Variants in KIAA0319 observed in about 807,000 individuals in gnomAD.
The protein encoded by KIAA0319 is dyslexia-associated protein KIAA0319.
KIAA0319 carries 83 observed loss-of-function variants against 108.4 expected under a neutral mutation model. That is an observed-to-expected ratio of 0.77 (90% confidence interval 0.64 to 0.92). The LOEUF (loss-of-function observed/expected upper bound fraction) is 0.92, where lower values mean the gene tolerates loss of function less well. KIAA0319 is among the 40% of genes least tolerant of loss of function. The pLI is 0.00. For synonymous variants in KIAA0319, 484 were observed against 510.4 expected, an observed-to-expected ratio of 0.95 and a Z score of 0.70; for missense variants, 1,195 against 1,322.4, an observed-to-expected ratio of 0.90 and a Z score of 1.49.
intron 1 of KIAA0319, among the ~76,000 whole-genome samples, chr6:24,614,835 G>A (rs7763790): frequency 0.23 from 34,445 of 151,840 alleles, 4,281 homozygotes; most frequent in African/African-American, 0.33. Flanking sequence ...CCAGCCCCTC[G>A]CTGTCATTAT....
intron 1 of KIAA0319, among the ~76,000 whole-genome samples, chr6:24,642,186 A>AG (rs1562127470): frequency 7.3e-6 from 1 of 137,732 alleles, no homozygotes; most frequent in African/African-American, 2.8e-5. Flanking sequence ...GAAAGAAAGA[A>AG]AGAGAGAAAG....
chr6:24,592,999 TAAA>T, intron 3 of KIAA0319, among the ~76,000 whole-genome samples: 1 of 151,164 alleles, frequency 6.6e-6, no homozygotes, highest in East Asian at 1.9e-4. Flanking sequence ...TAAAAATAAA[TAAA>T]AAAAAACATT....
chr6:24,564,404 T>G, intron 14 of KIAA0319, 64 bp from the exon 15 acceptor site: 1 of 1,604,314 alleles, frequency 6.2e-7, no homozygotes, highest in Non-Finnish European at 8.5e-7. Flanking sequence ...TGGGCTTCTG[T>G]TGATCCTAAA....
chr6:24,600,182 T>C (rs577548277), intron 2 of KIAA0319, among the ~76,000 whole-genome samples: 46 of 152,230 alleles, frequency 3.0e-4, no homozygotes, highest in Admixed American at 2.0e-3. Context: ...GGAAAAAATA[T>C]GGGTCTCTAA....
chr6:24,618,683 A>C (rs1212791782), intron 1 of KIAA0319, among the ~76,000 whole-genome samples: 1 of 152,084 alleles, frequency 6.6e-6, no homozygotes, highest in Non-Finnish European at 1.5e-5. Flanking sequence ...ACACAAAGAA[A>C]AGCAACAGAA....
At chr6:24,555,843 T>C (rs1762215588) in intron 18 of KIAA0319, among the ~76,000 whole-genome samples, 1 of 152,306 alleles carries the variant, frequency 6.6e-6, no homozygotes, top group East Asian at 1.9e-4. Context: ...CAGGGGCCAC[T>C]TCACCAGAAA....
rs1760587360 is a variant in KIAA0319 at position 24,546,075 on chromosome 6, T to C, written c.*1090A>G. The C allele has an allele frequency of 6.6e-6, 1 of 152,200 alleles. No homozygotes were observed. The highest frequency in any genetic ancestry group is 2.1e-4 in the South Asian group (1 of 4,828). 9.4% of individuals were successfully genotyped at this position (152,200 alleles called of 1,614,324 possible). ...GGGAGTACTGCTTTGTGGGTGGGAA[T>C]GTTTTAATTGTCTTTCATGTTTGAA... On this transcript the variant is annotated 3_prime_UTR_variant, in exon 21 of 21. Transcript: ENST00000378214.
chr6:24,623,238 C>T (rs1037412171), intron 1 of KIAA0319, among the ~76,000 whole-genome samples: 8 of 152,016 alleles, frequency 5.3e-5, no homozygotes, highest in African/African-American at 1.9e-4. Flanking sequence ...CACACACATA[C>T]ACGCACACAC....
At chr6:24,612,752 T>C (rs1422698090) in intron 1 of KIAA0319, among the ~76,000 whole-genome samples, 3 of 152,170 alleles carry the variant, frequency 2.0e-5, no homozygotes, top group African/African-American at 7.2e-5. Flanking sequence ...ACAAAAAATT[T>C]TTAACATCTG....
chr6:24,599,228 G>T lies in KIAA0319; in HGVS notation c.55+1821C>A. ...TCAAGTATGAGGAGCTGCAGGCACT[G>T]GCTGGGAAGCACAGGGATGACCTGT... On this transcript the variant is annotated intron_variant, in intron 2 of 20. Coordinates refer to ENST00000378214, the MANE Select transcript of KIAA0319 (RefSeq NM_014809.4). The surrounding 1 kb of genome is among the most constrained non-coding windows in gnomAD (Gnocchi z 4.1). 2.0e-6 allele frequency: 1 copy of T among 510,358 alleles called. No individual in the cohort carries two copies. The highest frequency in any genetic ancestry group is 2.0e-5 in the South Asian group (1 of 49,006). 31.6% of individuals were successfully genotyped at this position (510,358 alleles called of 1,614,324 possible). A position where few individuals can be genotyped will look rare whatever the true frequency, so the allele number is the denominator to read the frequency against.
intron 13 of KIAA0319, among the ~76,000 whole-genome samples, chr6:24,567,524 C>T (rs1034626416): frequency 8.6e-5 from 13 of 151,910 alleles, no homozygotes; most frequent in African/African-American, 3.1e-4. Flanking sequence ...TAGCAAGACC[C>T]GTCTCCACAC....
chr6:24,553,030 A>T (rs139168572), intron 19 of KIAA0319, among the ~76,000 whole-genome samples: 1 of 152,140 alleles, frequency 6.6e-6, no homozygotes, highest in Non-Finnish European at 1.5e-5. Context: ...AGATTTGGCC[A>T]GTGAGGTAGC....
intron 1 of KIAA0319, among the ~76,000 whole-genome samples, chr6:24,609,590 A>G (rs181069694): frequency 6.6e-6 from 1 of 152,158 alleles, no homozygotes; most frequent in African/African-American, 2.4e-5. Flanking sequence ...ACCAACAAAC[A>G]AACAAACAAA....
intron 1 of KIAA0319, among the ~76,000 whole-genome samples, chr6:24,616,451 G>A (rs567681387): frequency 1.3e-5 from 2 of 152,228 alleles, no homozygotes; most frequent in Admixed American, 6.5e-5. Context: ...TCCGCCTCCC[G>A]GGTTCAAGCG....
rs546870848 is a variant in KIAA0319, at chr6:24,610,701, G to T, written c.-105-9493C>A. On this transcript the variant is annotated intron_variant, in intron 1 of 20. Coordinates refer to ENST00000378214, the MANE Select transcript of KIAA0319 (RefSeq NM_014809.4). ...TTTGGGAGGCTGAGCGGGGAGGATCGCTTGAGCCCACGAGTTTGTGACAAG... is the reference window on the plus strand; with the variant it reads ...TTTGGGAGGCTGAGCGGGGAGGATCTCTTGAGCCCACGAGTTTGTGACAAG... 3.3e-5 allele frequency among the ~76,000 whole-genome samples: 5 copies of T among 151,884 alleles called. No individual in the cohort carries two copies. The East Asian group carries it at 9.6e-4, about 29-fold the overall frequency.
intron 1 of KIAA0319, among the ~76,000 whole-genome samples, chr6:24,611,445 G>A (rs540118867): frequency 6.6e-6 from 1 of 152,274 alleles, no homozygotes; most frequent in South Asian, 2.1e-4. Flanking sequence ...GTTGCAGTAA[G>A]CTGAGATCGT....
Position 24,558,499 on chromosome 6 carries a change from T to C in KIAA0319, c.2734+514A>G, listed in dbSNP as rs1320884420. 2.0e-5 allele frequency among the ~76,000 whole-genome samples: 3 copies of C among 152,094 alleles called. No individual in the cohort carries two copies. In the East Asian group the frequency reaches 5.8e-4, roughly 29 times the overall value. ...GTCTACTGAAATAACCACTTCAACA[T>C]AACAAGAGATTCATGTTACTCATGA... On this transcript the variant is annotated intron_variant, in intron 17 of 20. Coordinates refer to ENST00000378214, the MANE Select transcript of KIAA0319 (RefSeq NM_014809.4).
chr6:24,598,091 G>A (rs932272738), intron 2 of KIAA0319: 10 of 438,312 alleles, frequency 2.3e-5, no homozygotes, highest in South Asian at 4.0e-5. Flanking sequence ...TCCTACACAA[G>A]CTGGCCTGGT....
chr6:24,565,636 C>T (rs1353653862), intron 14 of KIAA0319, among the ~76,000 whole-genome samples: 1 of 151,642 alleles, frequency 6.6e-6, no homozygotes, highest in Non-Finnish European at 1.5e-5. Context: ...GCCTGTAGTC[C>T]CAGCTACGCG....
Sources: allele counts gnomAD v4.1 joint callset (sites outside exome capture counted in the v4.1 genomes callset), GRCh38; gene constraint gnomAD v4.1.1; non-coding constraint Gnocchi (gnomAD v3.1); transcripts MANE v1.5; gene names NCBI Gene and HGNC (gene_info 2026-07-23, HGNC 2026-07-21).